Variants in FHIT observed in about 807,000 individuals in gnomAD.
The protein encoded by FHIT is fragile histidine triad diadenosine triphosphatase.
FHIT carries 19 observed loss-of-function variants against 17.9 expected under a neutral mutation model. That is an observed-to-expected ratio of 1.06 (90% confidence interval 0.74 to 1.56). The LOEUF is 1.56. FHIT is among the 40% of genes most tolerant of loss of function. FHIT has a pLI of 0.00. For synonymous variants in FHIT, 81 were observed against 69.7 expected, an observed-to-expected ratio of 1.16 and a Z score of -0.81; for missense variants, 248 against 189.2, an observed-to-expected ratio of 1.31 and a Z score of -1.82.
At chr3:60,124,053 G>GAGAGAC (rs1705423881) in intron 5 of FHIT, among the ~76,000 whole-genome samples, 1 of 119,474 alleles carries the variant, frequency 8.4e-6, no homozygotes, top group Non-Finnish European at 1.8e-5. Flanking sequence ...GAGAGAGAGA[G>GAGAGAC]AGACAGAGAG....
chr3:59,924,586 G>C (rs1422352344), intron 7 of FHIT, among the ~76,000 whole-genome samples: 4 of 152,136 alleles, frequency 2.6e-5, no homozygotes, highest in African/African-American at 9.7e-5. Context: ...TCATTACCTA[G>C]AACTGTACAA....
chr3:60,468,613 G>A (rs1368227708), intron 5 of FHIT, among the ~76,000 whole-genome samples: 1 of 151,834 alleles, frequency 6.6e-6, no homozygotes, highest in Non-Finnish European at 1.5e-5. Flanking sequence ...ACTTTTTGTT[G>A]TTTCTGTTTA....
At chr3:60,881,675 A>T (rs1704987216) in intron 3 of FHIT, among the ~76,000 whole-genome samples, 1 of 152,124 alleles carries the variant, frequency 6.6e-6, no homozygotes, top group African/African-American at 2.4e-5. Context: ...ATAACCAAAG[A>T]CTCAATACAG....
At chr3:61,021,159 C>T (rs2032402240) in intron 3 of FHIT, among the ~76,000 whole-genome samples, 1 of 152,170 alleles carries the variant, frequency 6.6e-6, no homozygotes, top group African/African-American at 2.4e-5. Context: ...GACTTGAACT[C>T]AGCTCTGGAC....
chr3:60,672,625 T>G (rs951614886), intron 4 of FHIT, among the ~76,000 whole-genome samples: 23 of 152,226 alleles, frequency 1.5e-4, no homozygotes, highest in African/African-American at 5.3e-4. Flanking sequence ...GGGGATGCGA[T>G]GGCTTGGCTT....
At chr3:59,819,876 G>C (rs1363121808) in intron 8 of FHIT, among the ~76,000 whole-genome samples, 1 of 152,170 alleles carries the variant, frequency 6.6e-6, no homozygotes, top group Admixed American at 6.5e-5. Context: ...TGGACTTAGT[G>C]CCTATATAAA....
At chr3:61,247,368 C>A (rs1252079305) in intron 1 of FHIT, among the ~76,000 whole-genome samples, 6 of 152,146 alleles carry the variant, frequency 3.9e-5, no homozygotes, top group Non-Finnish European at 8.8e-5. Flanking sequence ...CGGTCATTGC[C>A]CCAGGATTAC....
intron 3 of FHIT, among the ~76,000 whole-genome samples, chr3:60,978,672 T>C (rs541330736): frequency 4.6e-5 from 7 of 152,204 alleles, no homozygotes; most frequent in Non-Finnish European, 8.8e-5. Flanking sequence ...GTATGCCATT[T>C]TTTAACTCTC....
intron 4 of FHIT, among the ~76,000 whole-genome samples, chr3:60,676,846 T>C (rs782236982): frequency 6.6e-6 from 1 of 151,948 alleles, no homozygotes; most frequent in Non-Finnish European, 1.5e-5. Flanking sequence ...TTTCTTTTAG[T>C]GAGCATAATT....
At chr3:60,937,756 G>A (rs1708254828) in intron 3 of FHIT, among the ~76,000 whole-genome samples, 1 of 151,930 alleles carries the variant, frequency 6.6e-6, no homozygotes, top group Non-Finnish European at 1.5e-5. Context: ...TAGAGATGGG[G>A]TTTCACCACA....
intron 5 of FHIT, among the ~76,000 whole-genome samples, chr3:60,208,895 A>G (rs1482689041): frequency 1.3e-5 from 2 of 152,196 alleles, no homozygotes; most frequent in Non-Finnish European, 2.9e-5. Context: ...TTCATTTGAT[A>G]AATATCAAGA....
rs139477492 is a variant in FHIT, at chr3:60,635,352, C to T, written c.-17-98373G>A. 6.4e-3 allele frequency among the ~76,000 whole-genome samples: 981 copies of T among 152,330 alleles called. 10 individuals carry two copies. The highest frequency in any genetic ancestry group is 0.022 in the African/African-American group (928 of 41,580). On this transcript the variant is annotated intron_variant, in intron 4 of 9. Transcript: ENST00000492590. ...CTCATAGCATCTCCCTCGTAAACCG[C>T]ATCTTGCCAAAGCCCGTGGCCAATT...
chr3:60,922,913 T>C (rs1156469147), intron 3 of FHIT, among the ~76,000 whole-genome samples: 2 of 152,268 alleles, frequency 1.3e-5, no homozygotes, highest in Admixed American at 6.5e-5. Context: ...CCTTTCAGCA[T>C]GTGGTATAAC....
At chr3:61,157,711 G>C (rs2037572123) in intron 2 of FHIT, among the ~76,000 whole-genome samples, 1 of 152,092 alleles carries the variant, frequency 6.6e-6, no homozygotes, top group African/African-American at 2.4e-5. Flanking sequence ...TGTTCTAGTT[G>C]CCAGTAGAGC....
chr3:61,117,495 G>A (rs1359661264), intron 2 of FHIT, among the ~76,000 whole-genome samples: 1 of 152,152 alleles, frequency 6.6e-6, no homozygotes, highest in African/African-American at 2.4e-5. Context: ...TAATAAAAAG[G>A]CTCTGGATGG....
intron 1 of FHIT, among the ~76,000 whole-genome samples, chr3:61,212,383 A>G (rs1017370115): frequency 6.6e-6 from 1 of 152,238 alleles, no homozygotes; most frequent in African/African-American, 2.4e-5. Context: ...GATGCGATCA[A>G]CTGGAAGAAA....
intron 1 of FHIT, among the ~76,000 whole-genome samples, chr3:61,235,529 G>T (rs1252565445): frequency 6.6e-6 from 1 of 152,122 alleles, no homozygotes; most frequent in South Asian, 2.1e-4. Flanking sequence ...AAGCATCCTG[G>T]TTTAAGAACC....
intron 3 of FHIT, among the ~76,000 whole-genome samples, chr3:61,005,463 T>C (rs1238654127): frequency 6.6e-6 from 1 of 151,990 alleles, no homozygotes; most frequent in Non-Finnish European, 1.5e-5. Context: ...GTGACAATGA[T>C]AATTATGGCA....
chr3:60,704,900 T>G (rs2041335447), intron 4 of FHIT, among the ~76,000 whole-genome samples: 1 of 152,080 alleles, frequency 6.6e-6, no homozygotes, highest in Non-Finnish European at 1.5e-5. Flanking sequence ...CTCTTTAGCC[T>G]CAAGAAATGC....
Sources: gnomAD v4.1 joint callset for allele counts (sites outside exome capture counted in the v4.1 genomes callset) on GRCh38, gnomAD v4.1.1 for gene constraint, MANE v1.5 for transcripts, NCBI Gene and HGNC (gene_info 2026-07-23, HGNC 2026-07-21) for gene names.